ZNF804B: variants seen among roughly 807,000 people sequenced by gnomAD.
ZNF804B encodes zinc finger 804B.
Under a neutral mutation model 101.4 loss-of-function variants are expected in ZNF804B, and 80 were observed. The ratio of observed to expected loss-of-function variants is 0.79; its 90% confidence interval spans 0.66 to 0.95. ZNF804B has a LOEUF of 0.95. Ranked by LOEUF, ZNF804B falls within the 40% of genes least tolerant of loss-of-function variation. The pLI is 0.00. For synonymous variants in ZNF804B, 622 were observed against 558.8 expected, an observed-to-expected ratio of 1.11 and a Z score of -1.59; for missense variants, 1,673 against 1,561.9, an observed-to-expected ratio of 1.07 and a Z score of -1.20.
intron 1 of ZNF804B, among the ~76,000 whole-genome samples, chr7:88,976,884 C>G (rs1793621544): frequency 6.6e-6 from 1 of 151,548 alleles, no homozygotes; most frequent in Non-Finnish European, 1.5e-5. Context: ...TGGTACATGG[C>G]TTTCTTTGTG....
intron 2 of ZNF804B, among the ~76,000 whole-genome samples, chr7:89,273,302 A>T (rs10487072): frequency 0.12 from 18,542 of 152,080 alleles, 1,218 homozygotes; most frequent in Middle Eastern, 0.26. Context: ...GCCAAGCTAA[A>T]TGAAAGGAAG....
At chr7:88,961,039 A>T (rs1456532500) in intron 1 of ZNF804B, among the ~76,000 whole-genome samples, 1 of 151,406 alleles carries the variant, frequency 6.6e-6, no homozygotes, top group Non-Finnish European at 1.5e-5. Flanking sequence ...TAGTGTATGA[A>T]ATATATTTTA....
chr7:89,028,112 C>T lies in ZNF804B; in HGVS notation c.109-190043C>T, dbSNP rs115985383. ...TGACCTTTGAAACATTTGAGTGGTA[C>T]ATAATTATAGAGTGGTTTGTTATGA... On this transcript the variant is annotated intron_variant, in intron 1 of 3. Transcript: ENST00000333190. Among the ~76,000 whole-genome samples, 299 of 152,152 alleles carry T rather than the reference C, an allele frequency of 2.0e-3. 2 individuals are homozygous for T. The highest frequency in any genetic ancestry group is 6.9e-3 in the African/African-American group (286 of 41,514).
intron 1 of ZNF804B, among the ~76,000 whole-genome samples, chr7:88,966,625 T>C (rs1436451988): frequency 2.6e-5 from 4 of 151,578 alleles, no homozygotes; most frequent in Non-Finnish European, 5.9e-5. Context: ...AGATGAGTTA[T>C]TTATTTTCCT....
At chr7:89,219,027 G>A (rs1246499480) in intron 2 of ZNF804B, among the ~76,000 whole-genome samples, 2 of 152,062 alleles carry the variant, frequency 1.3e-5, no homozygotes, top group Admixed American at 6.6e-5. Flanking sequence ...GAAAAATAAT[G>A]TCTTATTCAA....
intron 1 of ZNF804B, among the ~76,000 whole-genome samples, chr7:89,051,600 A>G (rs1789205666): frequency 6.6e-6 from 1 of 152,170 alleles, no homozygotes; most frequent in Non-Finnish European, 1.5e-5. Flanking sequence ...TCCACTAGTG[A>G]GATTTAACAT....
chr7:88,857,822 C>CTTTTTTTTTTTTTTTTTTTTTTTTT (rs55841922), intron 1 of ZNF804B, among the ~76,000 whole-genome samples: 4 of 81,422 alleles, frequency 4.9e-5, no homozygotes, highest in Non-Finnish European at 6.6e-5. Context: ...CCTTTCTTTT[C>CTTTTTTTTTTTTTTTTTTTTTTTTT]TTTTTTTTTT....
chr7:88,975,461 A>G (rs1029943449), intron 1 of ZNF804B, among the ~76,000 whole-genome samples: 9 of 150,034 alleles, frequency 6.0e-5, no homozygotes, highest in East Asian at 4.0e-4. Context: ...GTCTTTTAGG[A>G]AAAAAAAAGT....
chr7:89,089,362 T>A (rs7796925), intron 1 of ZNF804B, among the ~76,000 whole-genome samples: 72,462 of 137,108 alleles, frequency 0.53, 17,901 homozygotes, highest in African/African-American at 0.6. Flanking sequence ...TTCGGAAAAA[T>A]TTTTTTTCCC....
At chr7:89,064,377 C>T (rs966731404) in intron 1 of ZNF804B, among the ~76,000 whole-genome samples, 14 of 152,096 alleles carry the variant, frequency 9.2e-5, no homozygotes, top group African/African-American at 1.7e-4. Flanking sequence ...GGAAGCTGCT[C>T]GGTATAACCC....
At chr7:89,016,166 C>A (rs1326851972) in intron 1 of ZNF804B, among the ~76,000 whole-genome samples, 4 of 151,922 alleles carry the variant, frequency 2.6e-5, no homozygotes, top group African/African-American at 9.7e-5. Flanking sequence ...TGTCCTTTGC[C>A]TACTTTTTGA....
chr7:88,978,368 G>A (rs1018108806), intron 1 of ZNF804B, among the ~76,000 whole-genome samples: 10 of 151,720 alleles, frequency 6.6e-5, no homozygotes, highest in African/African-American at 1.2e-4. Flanking sequence ...TCTCTTTAGC[G>A]CTAATAATAT....
intron 2 of ZNF804B, among the ~76,000 whole-genome samples, chr7:89,237,634 A>G (rs1351318202): frequency 6.6e-6 from 1 of 152,184 alleles, no homozygotes; most frequent in Non-Finnish European, 1.5e-5. Flanking sequence ...GTAGTGGGGT[A>G]GTCAATGGCT....
At chr7:88,814,497 G>A (rs1163221280) in intron 1 of ZNF804B, among the ~76,000 whole-genome samples, 8 of 145,080 alleles carry the variant, frequency 5.5e-5, no homozygotes, top group Non-Finnish European at 9.1e-5. Flanking sequence ...CACACAGAAA[G>A]TTTAATGATA....
intron 1 of ZNF804B, among the ~76,000 whole-genome samples, chr7:89,016,059 G>A (rs1279885384): frequency 1.3e-5 from 2 of 152,172 alleles, no homozygotes; most frequent in African/African-American, 4.8e-5. Context: ...TCTCATTGTG[G>A]TTTTGATTTG....
intron 1 of ZNF804B, among the ~76,000 whole-genome samples, chr7:88,841,628 G>T (rs1791293769): frequency 6.6e-6 from 1 of 152,140 alleles, no homozygotes; most frequent in African/African-American, 2.4e-5. Flanking sequence ...AAGTACAAAA[G>T]CTTTCAGAGA....
chr7:89,179,930 T>C (rs1283455451), intron 1 of ZNF804B, among the ~76,000 whole-genome samples: 5 of 152,212 alleles, frequency 3.3e-5, no homozygotes, highest in Non-Finnish European at 5.9e-5. Context: ...TCATCTTGGC[T>C]ACTATCCTGG....
intron 1 of ZNF804B, among the ~76,000 whole-genome samples, chr7:88,942,746 G>A (rs1262828266): frequency 6.6e-6 from 1 of 151,488 alleles, no homozygotes; most frequent in Non-Finnish European, 1.5e-5. Flanking sequence ...TCTAGTCTTG[G>A]GACCTTATAT....
chr7:89,160,240 C>T (rs1351638817), intron 1 of ZNF804B, among the ~76,000 whole-genome samples: 1 of 152,084 alleles, frequency 6.6e-6, no homozygotes, highest in Non-Finnish European at 1.5e-5. Flanking sequence ...TTTTTGTTTA[C>T]ACTCTACATC....
Sources: gnomAD v4.1 joint callset for allele counts (sites outside exome capture counted in the v4.1 genomes callset) on GRCh38, gnomAD v4.1.1 for gene constraint, MANE v1.5 for transcripts, NCBI Gene and HGNC (gene_info 2026-07-23, HGNC 2026-07-21) for gene names.